UGT1A8: variants seen among roughly 807,000 people sequenced by gnomAD.
UGT1A8 encodes UDP-glucuronosyltransferase 1A8.
In UGT1A8, 39 loss-of-function variants were observed where a neutral mutation model predicts 45.3. The ratio of observed to expected loss-of-function variants is 0.86; its 90% CI spans 0.67 to 1.12. The LOEUF (loss-of-function observed/expected upper bound fraction) is 1.12. Among genes scored for constraint, UGT1A8 ranks in the 50% most tolerant of loss-of-function variants. The pLI, the probability that UGT1A8 is intolerant of heterozygous loss-of-function variation, is 0.00. For synonymous variants in UGT1A8, 275 were observed against 249.2 expected (o/e 1.10, Z -0.97); for missense variants, 719 against 664.9 (o/e 1.08, Z -0.90).
intron 1 of UGT1A8, chr2:233,682,347 TAAAGG>T: frequency 6.2e-7 from 1 of 1,614,138 alleles, no homozygotes; most frequent in Admixed American, 1.7e-5. Flanking sequence ...GTAGAATACT[TAAAGG>T]AGAGTTGTTT....
chr2:233,716,973 C>T (rs908382461), intron 1 of UGT1A8, among the ~76,000 whole-genome samples: 4 of 152,198 alleles, frequency 2.6e-5, no homozygotes, highest in Non-Finnish European at 2.9e-5. Flanking sequence ...GCTTCTCCCT[C>T]CCCACAGTCC....
At chr2:233,759,379 A>G (rs6723506) in intron 1 of UGT1A8, among the ~76,000 whole-genome samples, 3,469 of 152,254 alleles carry the variant, frequency 0.023, 66 homozygotes, top group South Asian at 0.044. Flanking sequence ...ACAGGTTTTC[A>G]GGATACTCAG....
At chr2:233,658,883 A>G (rs897820141) in intron 1 of UGT1A8, among the ~76,000 whole-genome samples, 3 of 152,176 alleles carry the variant, frequency 2.0e-5, no homozygotes, top group African/African-American at 7.2e-5. Flanking sequence ...AATGAGTAGT[A>G]TTAGCTCTCT....
chr2:233,681,130 G>A (rs1310080608), intron 1 of UGT1A8, among the ~76,000 whole-genome samples: 1 of 151,768 alleles, frequency 6.6e-6, no homozygotes, highest in Admixed American at 6.6e-5. Flanking sequence ...AGAGACACAG[G>A]TGAGCCGCAA....
At chr2:233,697,374 A>T (rs1382201272) in intron 1 of UGT1A8, among the ~76,000 whole-genome samples, 1 of 152,066 alleles carries the variant, frequency 6.6e-6, no homozygotes, top group East Asian at 1.9e-4. Flanking sequence ...TATAGAGTTC[A>T]CAATAATCGC....
rs375473376 is a variant in UGT1A8 at position 233,617,794 on chromosome 2, G to T, written c.87G>T (p.Leu29=). The change falls in exon 1 of 5, where the codon CTG becomes CTT. Residue 29 remains leucine, a synonymous_variant. Transcript: ENST00000373450. The part of the protein sequence containing the change: ...TCGFAEAGKL[L]VVPMDGSHWF... ...GCTTTGCTGAGGCAGGGAAGCTGCT[G>T]GTAGTGCCCATGGATGGGAGTCACT... The T allele has an allele frequency of 6.2e-7, 1 of 1,613,944 alleles. No homozygotes were observed. The highest frequency in any genetic ancestry group is 1.3e-5 in the African/African-American group (1 of 74,898).
rs562671697 is a variant in UGT1A8, at chr2:233,715,584, C to A, written c.856-51450C>A. On this transcript the variant is annotated intron_variant, in intron 1 of 4. Transcript: ENST00000373450. The stretch of plus-strand genomic sequence containing the variant: ...CCCAGGAGTCTGAGAGCAGCCTGGG[C>A]AACATGCTGAGACTCCATCTCTACA... 7.4e-4 allele frequency among the ~76,000 whole-genome samples: 112 copies of A among 152,108 alleles called. 1 individual carries two copies. Among genetic ancestry groups the A allele is most frequent in the African/African-American group, 2.5e-3 (104 of 41,484 alleles).
At chr2:233,759,773 G>A (rs1199686536) in intron 1 of UGT1A8, among the ~76,000 whole-genome samples, 1 of 152,142 alleles carries the variant, frequency 6.6e-6, no homozygotes, top group African/African-American at 2.4e-5. Context: ...AATATTGTTG[G>A]ACGAAGGAAT....
rs28969971 is a variant in UGT1A8, at chr2:233,625,366, C to T, written c.855+6804C>T. ...GTGGGAACGCAAATTAGATCATCCC[C>T]TGTGGGAAGTAGTTTGGAGATTTGA... On this transcript the variant is annotated intron_variant, in intron 1 of 4. Coordinates refer to ENST00000373450, the MANE Select transcript of UGT1A8 (RefSeq NM_019076.5). 4.3e-4 allele frequency among the ~76,000 whole-genome samples: 66 copies of T among 152,140 alleles called. No homozygotes were observed. In the East Asian group the frequency reaches 4.4e-3, roughly 10 times the overall value.
At chr2:233,726,742 G>A (rs1437443163) in intron 1 of UGT1A8, among the ~76,000 whole-genome samples, 1 of 152,226 alleles carries the variant, frequency 6.6e-6, no homozygotes, top group African/African-American at 2.4e-5. Context: ...TTGTGGGGCT[G>A]TGATTCTGCC....
chr2:233,693,488 T>A, intron 1 of UGT1A8: 1 of 1,614,100 alleles, frequency 6.2e-7, no homozygotes, highest in African/African-American at 1.3e-5. Flanking sequence ...CCTGGCTGAG[T>A]ATTTGGGCCT....
intron 1 of UGT1A8, among the ~76,000 whole-genome samples, chr2:233,646,681 T>C (rs969665980): frequency 6.6e-6 from 1 of 152,198 alleles, no homozygotes; most frequent in African/African-American, 2.4e-5. Flanking sequence ...CTCATCTCCA[T>C]TTGAAACCAC....
intron 1 of UGT1A8, chr2:233,760,931 T>C (rs1360622092): frequency 4.3e-6 from 7 of 1,614,090 alleles, no homozygotes; most frequent in South Asian, 2.2e-5. Flanking sequence ...AACATGCTCA[T>C]TGCCTTTTCA....
At chr2:233,753,869 G>A (rs1051497204) in intron 1 of UGT1A8, among the ~76,000 whole-genome samples, 1 of 152,142 alleles carries the variant, frequency 6.6e-6, no homozygotes, top group African/African-American at 2.4e-5. Context: ...TAACCCCAAG[G>A]TCTGTCCTCA....
intron 1 of UGT1A8, among the ~76,000 whole-genome samples, chr2:233,762,064 C>A (rs574389899): frequency 1.3e-5 from 2 of 152,174 alleles, no homozygotes; most frequent in South Asian, 4.2e-4. Flanking sequence ...CATAGCACAT[C>A]AAATATGGCA....
In UGT1A8 at chr2:233,617,986, C is replaced by T. The variant is rs143802527; in HGVS notation, c.279C>T (p.Phe93=). Residue 93 remains phenylalanine, a synonymous_variant, in exon 1 of 5, where the codon TTC becomes TTT. Coordinates refer to ENST00000373450, the MANE Select transcript of UGT1A8 (RefSeq NM_019076.5). ...LEDLDREFMD[F]ADAQWKAQVR... is the part of the protein sequence containing the mutation. ...ATCTGGACCGGGAATTCATGGATTT[C>T]GCCGATGCTCAATGGAAAGCACAAG... 6.0e-5 allele frequency: 97 copies of T among 1,614,036 alleles called. 2 individuals are homozygous for T. The South Asian group carries it at 8.9e-4, about 15-fold the overall frequency.
intron 1 of UGT1A8, chr2:233,747,530 T>C (rs530513131): frequency 6.2e-7 from 1 of 1,605,552 alleles, no homozygotes; most frequent in East Asian, 2.2e-5. Flanking sequence ...CAGAACATTT[T>C]CTGAAGACAT....
intron 1 of UGT1A8, chr2:233,682,335 T>C: frequency 6.2e-7 from 1 of 1,614,168 alleles, no homozygotes; most frequent in Non-Finnish European, 8.5e-7. Flanking sequence ...GACCGAAAAT[T>C]AGTAGAATAC....
chr2:233,669,953 G>A (rs1485403669), intron 1 of UGT1A8, among the ~76,000 whole-genome samples: 2 of 152,006 alleles, frequency 1.3e-5, no homozygotes, highest in East Asian at 3.9e-4. Flanking sequence ...CCAAAGTGCT[G>A]GGACTACAGG....
Sources: allele counts gnomAD v4.1 joint callset (sites outside exome capture counted in the v4.1 genomes callset), GRCh38; gene constraint gnomAD v4.1.1; transcripts MANE v1.5; gene names NCBI Gene and HGNC (gene_info 2026-07-23, HGNC 2026-07-21).